Variants in LHFPL3 observed in about 807,000 individuals in gnomAD.
LHFPL3 encodes LHFPL tetraspan subfamily member 3.
A neutral mutation model predicts 19.3 loss-of-function variants in LHFPL3; 5 were observed. That is an observed-to-expected ratio of 0.26 (90% CI 0.14 to 0.54). The LOEUF (loss-of-function observed/expected upper bound fraction) is 0.54. Among genes scored for constraint, LHFPL3 ranks in the 20% least tolerant of loss-of-function variants. The pLI is 0.94. For missense variants in LHFPL3, 249 were observed against 307.4 expected, an observed-to-expected ratio of 0.81 and a Z score of 1.42; for synonymous variants, 133 against 126.2, an observed-to-expected ratio of 1.05 and a Z score of -0.36.
chr7:104,477,510 T>C (rs1275623262), intron 1 of LHFPL3, among the ~76,000 whole-genome samples: 1 of 151,996 alleles, frequency 6.6e-6, no homozygotes, highest in Non-Finnish European at 1.5e-5. Flanking sequence ...ATTAAAGCAA[T>C]AATGTGTTTC....
At chr7:104,380,544 G>T (rs1790806959) in intron 1 of LHFPL3, among the ~76,000 whole-genome samples, 1 of 152,108 alleles carries the variant, frequency 6.6e-6, no homozygotes, top group South Asian at 2.1e-4. Flanking sequence ...GAAAATATCT[G>T]TAATGTAAAC....
rs1479309369 is a variant in LHFPL3, at chr7:104,749,147, AT to A, written c.682+12242del. 2.2e-4 allele frequency among the ~76,000 whole-genome samples: 33 copies of A among 152,280 alleles called. No individual in the cohort carries two copies. The South Asian group carries it at 3.5e-3, about 16-fold the overall frequency. ...TTTTAATGTGTCTTTTCTTATTTCT[AT>A]TTTTTGTGGCTTAATTTTTCTATTT... On this transcript the variant is annotated intron_variant, in intron 2 of 2. Transcript: ENST00000424859.
chr7:104,709,203 AT>A (rs1793247156), intron 1 of LHFPL3, among the ~76,000 whole-genome samples: 1 of 149,374 alleles, frequency 6.7e-6, no homozygotes, highest in Non-Finnish European at 1.5e-5. Flanking sequence ...ATTATCCACA[AT>A]TTCATTTTTA....
At chr7:104,509,595 A>G (rs1793770875) in intron 1 of LHFPL3, among the ~76,000 whole-genome samples, 1 of 152,086 alleles carries the variant, frequency 6.6e-6, no homozygotes, top group Non-Finnish European at 1.5e-5. Flanking sequence ...TCAACGTGAT[A>G]AAAAACAGAT....
At chr7:104,363,411 G>A (rs1790427024) in intron 1 of LHFPL3, among the ~76,000 whole-genome samples, 1 of 152,262 alleles carries the variant, frequency 6.6e-6, no homozygotes, top group South Asian at 2.1e-4. Flanking sequence ...TGTGATGGGA[G>A]ATGCTGCTGC....
chr7:104,407,567 A>G (rs1181433498), intron 1 of LHFPL3, among the ~76,000 whole-genome samples: 2 of 152,176 alleles, frequency 1.3e-5, no homozygotes, highest in African/African-American at 4.8e-5. Context: ...AAGGCAGGAG[A>G]ATTGCCTGAA....
chr7:104,878,336 C>T (rs1437517319), intron 2 of LHFPL3, among the ~76,000 whole-genome samples: 2 of 151,814 alleles, frequency 1.3e-5, no homozygotes, highest in Non-Finnish European at 2.9e-5. Flanking sequence ...CACCATTTTT[C>T]TAACAGGTGC....
intron 1 of LHFPL3, among the ~76,000 whole-genome samples, chr7:104,421,133 T>G (rs527895273): frequency 5.3e-5 from 8 of 152,088 alleles, no homozygotes; most frequent in Non-Finnish European, 1.2e-4. Flanking sequence ...ACATACTCAA[T>G]GAAGTAAGAT....
chr7:104,724,953 GTCAAC>G (rs1793563836), intron 1 of LHFPL3, among the ~76,000 whole-genome samples: 1 of 152,100 alleles, frequency 6.6e-6, no homozygotes, highest in Admixed American at 6.5e-5. Context: ...TCTCCAACCA[GTCAAC>G]TCTCTTGCAT....
At chr7:104,903,391 C>T (rs1402254442) in intron 2 of LHFPL3, among the ~76,000 whole-genome samples, 1 of 151,958 alleles carries the variant, frequency 6.6e-6, no homozygotes, top group Non-Finnish European at 1.5e-5. Context: ...ACCCTCCTGA[C>T]CCCGTTTTCC....
chr7:104,672,893 T>G (rs1792513341), intron 1 of LHFPL3, among the ~76,000 whole-genome samples: 1 of 152,126 alleles, frequency 6.6e-6, no homozygotes. Flanking sequence ...TCGGGGTTTC[T>G]GCTTTTTTTT....
intron 1 of LHFPL3, among the ~76,000 whole-genome samples, chr7:104,387,594 G>T (rs1790973553): frequency 6.6e-6 from 1 of 152,080 alleles, no homozygotes; most frequent in Non-Finnish European, 1.5e-5. Context: ...TATGCATAAT[G>T]GTACTCTCAG....
At chr7:104,488,723 C>T (rs994226350) in intron 1 of LHFPL3, among the ~76,000 whole-genome samples, 6 of 152,122 alleles carry the variant, frequency 3.9e-5, no homozygotes, top group African/African-American at 1.2e-4. Context: ...AGACTGCAAG[C>T]GTAGTTGAGG....
At chr7:104,667,269 G>A (rs1016722318) in intron 1 of LHFPL3, among the ~76,000 whole-genome samples, 21 of 150,674 alleles carry the variant, frequency 1.4e-4, no homozygotes, top group Non-Finnish European at 3.1e-4. Flanking sequence ...TTTCTTGGGG[G>A]GGGGAATCTT....
At chr7:104,798,915 A>G (rs1249333737) in intron 2 of LHFPL3, among the ~76,000 whole-genome samples, 1 of 152,114 alleles carries the variant, frequency 6.6e-6, no homozygotes, top group Non-Finnish European at 1.5e-5. Flanking sequence ...AACAGAAATG[A>G]ATTATGTGGA....
At chr7:104,780,598 T>C (rs1562990374) in intron 2 of LHFPL3, among the ~76,000 whole-genome samples, 1 of 152,218 alleles carries the variant, frequency 6.6e-6, no homozygotes, top group East Asian at 1.9e-4. Flanking sequence ...GCTACCTCTC[T>C]CACAGCCTCT....
At chr7:104,679,714 C>T (rs1233694819) in intron 1 of LHFPL3, among the ~76,000 whole-genome samples, 1 of 152,164 alleles carries the variant, frequency 6.6e-6, no homozygotes, top group Admixed American at 6.5e-5. Flanking sequence ...TTGTACCTGA[C>T]ACTTTTTTGC....
At chr7:104,718,259 G>T (rs186875122) in intron 1 of LHFPL3, among the ~76,000 whole-genome samples, 136 of 152,182 alleles carry the variant, frequency 8.9e-4, no homozygotes, top group Middle Eastern at 6.8e-3. Context: ...TATATTGTGT[G>T]CTTGAAATTT....
At chr7:104,824,255 TTA>T (rs1406028223) in intron 2 of LHFPL3, among the ~76,000 whole-genome samples, 5 of 12,096 alleles carry the variant, frequency 4.1e-4, no homozygotes, top group African/African-American at 1.4e-3. Context: ...TTATATATAA[TTA>T]TATATATTAT....
Sources: gnomAD v4.1 joint callset for allele counts (sites outside exome capture counted in the v4.1 genomes callset) on GRCh38, gnomAD v4.1.1 for gene constraint, MANE v1.5 for transcripts, NCBI Gene and HGNC (gene_info 2026-07-23, HGNC 2026-07-21) for gene names.